FGF14: variants seen among roughly 807,000 people sequenced by gnomAD.
FGF14 encodes fibroblast growth factor homologous factor 4.
FGF14 carries 5 observed loss-of-function variants against 25.5 expected under a neutral mutation model. The ratio of observed to expected loss-of-function variants is 0.20; its 90% CI spans 0.10 to 0.41. The LOEUF (loss-of-function observed/expected upper bound fraction) is 0.41. Among genes scored for constraint, FGF14 ranks in the 10% least tolerant of loss-of-function variants. The pLI, the probability that FGF14 is intolerant of heterozygous loss-of-function variation, is 1.00. For missense variants in FGF14, 222 were observed against 320.1 expected, an observed-to-expected ratio of 0.69 and a Z score of 2.34; for synonymous variants, 138 against 118.3, an observed-to-expected ratio of 1.17 and a Z score of -1.08.
intron 1 of FGF14, among the ~76,000 whole-genome samples, chr13:102,222,079 C>T (rs923997739): frequency 3.3e-5 from 5 of 152,134 alleles, no homozygotes; most frequent in Non-Finnish European, 5.9e-5. Flanking sequence ...CCTCCTTACC[C>T]CATACAGTCT....
intron 1 of FGF14, among the ~76,000 whole-genome samples, chr13:101,928,861 T>C (rs1323037830): frequency 6.6e-6 from 1 of 151,778 alleles, no homozygotes; most frequent in Non-Finnish European, 1.5e-5. Context: ...TCTTTTCTTG[T>C]TAAGCACAGT....
chr13:102,041,575 T>C (rs1318614785), intron 1 of FGF14, among the ~76,000 whole-genome samples: 1 of 116,524 alleles, frequency 8.6e-6, no homozygotes, highest in Non-Finnish European at 1.6e-5. Flanking sequence ...TTACTTTGTG[T>C]TTCCATGTAA....
intron 4 of FGF14, among the ~76,000 whole-genome samples, chr13:101,724,595 AAAAT>A (rs1348688819): frequency 4.0e-4 from 14 of 35,166 alleles, no homozygotes; most frequent in African/African-American, 1.1e-3. Context: ...GTATAATAAT[AAAAT>A]ATATATATAT....
intron 1 of FGF14, among the ~76,000 whole-genome samples, chr13:102,142,660 G>A (rs1441604946): frequency 1.3e-5 from 2 of 152,196 alleles, no homozygotes; most frequent in African/African-American, 2.4e-5. Context: ...ATGGCATGAT[G>A]AGGAAAGTGA....
chr13:101,868,847 T>C lies in FGF14; in HGVS notation c.305-19A>G, dbSNP rs775993763. On this transcript the variant is annotated intron_variant, in intron 2 of 4. Coordinates refer to ENST00000376143, the MANE Select transcript of FGF14 (RefSeq NM_004115.4). The stretch of plus-strand genomic sequence containing the variant: ...AAGAGTGCTGTGAAGATAAACATTG[T>C]CTATCATGAATGGGCAGGAAGAAGC... 1.3e-6 allele frequency: 2 copies of C among 1,544,680 alleles called. No individual in the cohort carries two copies. The highest frequency in any genetic ancestry group is 2.2e-5 in the South Asian group (2 of 89,682).
intron 1 of FGF14, among the ~76,000 whole-genome samples, chr13:102,151,588 T>G (rs529764841): frequency 2.0e-5 from 3 of 152,276 alleles, no homozygotes; most frequent in Admixed American, 6.5e-5. Flanking sequence ...AACCTCCTCC[T>G]CCTGGGTTCA....
chr13:102,371,344 C>A (rs2139107501), intron 1 of FGF14, among the ~76,000 whole-genome samples: 1 of 152,238 alleles, frequency 6.6e-6, no homozygotes, highest in Middle Eastern at 3.4e-3. Flanking sequence ...GGTTATTTCA[C>A]AGGATGGGGT....
intron 1 of FGF14, among the ~76,000 whole-genome samples, chr13:102,140,785 T>G (rs1209563921): frequency 6.6e-6 from 1 of 152,088 alleles, no homozygotes; most frequent in Non-Finnish European, 1.5e-5. Flanking sequence ...TATGAGAAAA[T>G]TCAAGAATAG....
chr13:102,117,158 T>G (rs1566706672), intron 1 of FGF14, among the ~76,000 whole-genome samples: 1 of 152,244 alleles, frequency 6.6e-6, no homozygotes, highest in African/African-American at 2.4e-5. Flanking sequence ...TTTTGGTTTC[T>G]ATAATATTTT....
chr13:102,025,226 T>C (rs1428711168), intron 1 of FGF14, among the ~76,000 whole-genome samples: 10 of 151,866 alleles, frequency 6.6e-5, no homozygotes, highest in African/African-American at 2.2e-4. Flanking sequence ...AAAAATAAAA[T>C]GCCAGCTGGG....
intron 3 of FGF14, among the ~76,000 whole-genome samples, chr13:101,787,627 G>C (rs773827425): frequency 6.6e-5 from 10 of 152,132 alleles, no homozygotes; most frequent in Non-Finnish European, 1.2e-4. Flanking sequence ...CTCAGAGCAT[G>C]TCAGCTGCAT....
chr13:102,294,155 A>G (rs1444507780), intron 1 of FGF14: 3 of 152,224 alleles, frequency 2.0e-5, no homozygotes, highest in Non-Finnish European at 4.4e-5. Context: ...TCTCTAGTCA[A>G]AATCTTATGG....
chr13:102,074,484 C>A (rs1266904718), intron 1 of FGF14, among the ~76,000 whole-genome samples: 3 of 152,150 alleles, frequency 2.0e-5, no homozygotes, highest in Admixed American at 1.3e-4. Flanking sequence ...CCTAATGTGG[C>A]AGGTGTCATG....
intron 3 of FGF14, among the ~76,000 whole-genome samples, chr13:101,819,340 A>C (rs528404255): frequency 1.3e-5 from 2 of 152,320 alleles, no homozygotes; most frequent in South Asian, 4.1e-4. Context: ...AATAAAATAT[A>C]CTCAACTGAA....
intron 3 of FGF14, among the ~76,000 whole-genome samples, chr13:101,741,634 TAA>T (rs11299686): frequency 0.028 from 3,959 of 143,722 alleles, 51 homozygotes; most frequent in Non-Finnish European, 0.04. Context: ...TTTATTACAG[TAA>T]AAAAAAAAAA....
chr13:102,083,874 G>T (rs973858349), intron 1 of FGF14, among the ~76,000 whole-genome samples: 1 of 152,090 alleles, frequency 6.6e-6, no homozygotes, highest in Non-Finnish European at 1.5e-5. Flanking sequence ...AAGGCAATTG[G>T]TCATTTATTT....
At chr13:102,157,976 A>G (rs1194737170) in intron 1 of FGF14, among the ~76,000 whole-genome samples, 2 of 152,246 alleles carry the variant, frequency 1.3e-5, no homozygotes, top group African/African-American at 2.4e-5. Context: ...ATGAGATACC[A>G]TCTCACACCA....
chr13:102,164,266 A>G (rs931485137), intron 1 of FGF14, among the ~76,000 whole-genome samples: 1 of 152,204 alleles, frequency 6.6e-6, no homozygotes, highest in Non-Finnish European at 1.5e-5. Flanking sequence ...AAATCTCCAA[A>G]GCAGTGTGCA....
intron 1 of FGF14, among the ~76,000 whole-genome samples, chr13:101,893,185 T>C (rs2030026605): frequency 6.6e-6 from 1 of 152,186 alleles, no homozygotes; most frequent in African/African-American, 2.4e-5. Context: ...CTGCCTGCTA[T>C]TGAAAGCCAG....
Sources: gnomAD v4.1 joint callset for allele counts (sites outside exome capture counted in the v4.1 genomes callset) on GRCh38, gnomAD v4.1.1 for gene constraint, MANE v1.5 for transcripts, NCBI Gene and HGNC (gene_info 2026-07-23, HGNC 2026-07-21) for gene names.